URGCP: variants seen among roughly 807,000 people sequenced by gnomAD.
URGCP encodes upregulator of cell proliferation.
URGCP carries 13 observed loss-of-function variants against 24.6 expected under a neutral mutation model. That is an observed-to-expected ratio of 0.53 (90% confidence interval 0.34 to 0.84). The LOEUF is 0.84. Ranked by LOEUF, URGCP falls within the 40% of genes least tolerant of loss-of-function variation. The pLI is 0.01. For missense variants in URGCP, 899 were observed against 1,194.3 expected (o/e 0.75, Z 3.64); for synonymous variants, 444 against 487.2 (o/e 0.91, Z 1.17).
At chr7:43,900,618 A>G (rs1265354789) in intron 1 of URGCP, among the ~76,000 whole-genome samples, 1 of 152,086 alleles carries the variant, frequency 6.6e-6, no homozygotes, top group African/African-American at 2.4e-5. Flanking sequence ...ACAGGGTCTC[A>G]TTGTGTTGCC....
chr7:43,904,481 C>T (rs552467447), intron 1 of URGCP, among the ~76,000 whole-genome samples: 1 of 152,298 alleles, frequency 6.6e-6, no homozygotes, highest in South Asian at 2.1e-4. Context: ...TGGACTTGCT[C>T]CCTAAGATAC....
intron 3 of URGCP, among the ~76,000 whole-genome samples, chr7:43,887,019 C>A (rs1260162995): frequency 6.6e-6 from 1 of 152,084 alleles, no homozygotes; most frequent in East Asian, 1.9e-4. Flanking sequence ...ACATCCCTTT[C>A]ACTCTCAGAA....
intron 1 of URGCP, among the ~76,000 whole-genome samples, chr7:43,892,479 T>A (rs2132680540): frequency 6.6e-6 from 1 of 152,082 alleles, no homozygotes; most frequent in South Asian, 2.1e-4. Context: ...CACAGGAAAC[T>A]AATACAGTGT....
chr7:43,886,654 G>A (rs2095862619), intron 3 of URGCP, among the ~76,000 whole-genome samples: 1 of 152,204 alleles, frequency 6.6e-6, no homozygotes, highest in Non-Finnish European at 1.5e-5. Flanking sequence ...TTGGGAGGCT[G>A]AGGCAGCAGA....
At chr7:43,925,488 G>GT (rs993195665) in intron 1 of URGCP, among the ~76,000 whole-genome samples, 23 of 152,036 alleles carry the variant, frequency 1.5e-4, no homozygotes, top group South Asian at 2.1e-4. Context: ...ATTTTATTCT[G>GT]TTTTTTTATT....
At chr7:43,899,379 A>C in intron 1 of URGCP, among the ~76,000 whole-genome samples, 1 of 150,744 alleles carries the variant, frequency 6.6e-6, no homozygotes, top group Non-Finnish European at 1.5e-5. Context: ...TCAGCCCCCC[A>C]AAATGCCAGG....
intron 1 of URGCP, among the ~76,000 whole-genome samples, chr7:43,900,095 T>C (rs1198950115): frequency 1.3e-5 from 2 of 148,954 alleles, no homozygotes; most frequent in African/African-American, 5.0e-5. Context: ...CAGCGAGCCA[T>C]GTTGTTGCCA....
intron 1 of URGCP, chr7:43,920,034 TCTC>T: frequency 7.6e-7 from 1 of 1,318,264 alleles, no homozygotes. Flanking sequence ...CCAGACTACA[TCTC>T]CTGGGGCACC....
intron 1 of URGCP, chr7:43,905,951 A>G (rs2095901254): frequency 6.6e-6 from 1 of 152,186 alleles, no homozygotes; most frequent in Admixed American, 6.5e-5. Flanking sequence ...AAAAGAGGTA[A>G]TATCAAAATA....
intron 1 of URGCP, chr7:43,919,250 T>G (rs2095919244): frequency 1.2e-6 from 1 of 828,026 alleles, no homozygotes. Flanking sequence ...TGGTCCAGCT[T>G]TATAATTCAC....
rs2095920345 is a variant in URGCP, at chr7:43,920,007, ACCACATGG to A, written c.-116+6117_-116+6124del. Reference sequence around the variant, plus strand: ...ATTGTGCAGCAGCTCATGGATGAGTACCACATGGCCACATGGCCAGACTACATCTCCTG... The same window carrying A: ...ATTGTGCAGCAGCTCATGGATGAGTACCACATGGCCAGACTACATCTCCTG... On this transcript the variant is annotated intron_variant, in intron 1 of 5. Coordinates refer to the URGCP transcript ENST00000426198. 6.0e-6 allele frequency: 8 copies of A among 1,330,286 alleles called. No individual in the cohort carries two copies. The Admixed American group carries it at 1.0e-4, about 17-fold the overall frequency. 82.4% of individuals were successfully genotyped at this position (1,330,286 alleles called of 1,614,324 possible).
rs182369355 is a variant in URGCP, at chr7:43,893,055, G to T, written c.15-5239C>A. 1.4e-3 allele frequency among the ~76,000 whole-genome samples: 210 copies of T among 152,196 alleles called. 1 individual carries two copies. Among genetic ancestry groups the T allele is most frequent in the Admixed American group, 4.3e-3 (66 of 15,272 alleles). The stretch of plus-strand genomic sequence containing the variant: ...AAAATAAAATAAAGCTGGGTATGAT[G>T]GTTCACACCTATCTATAATCCCAGC... On this transcript the variant is annotated intron_variant, in intron 1 of 5. Coordinates refer to ENST00000453200, the MANE Select transcript of URGCP (RefSeq NM_001077663.3).
chr7:43,887,549 T>A (rs750933381), intron 2 of URGCP, 64 bp from the exon 3 acceptor site: 58 of 1,577,534 alleles, frequency 3.7e-5, no homozygotes, highest in Non-Finnish European at 5.0e-5. Flanking sequence ...CCTATCAAAC[T>A]GGCCGCATAT....
chr7:43,913,979 G>A (rs556611615), intron 1 of URGCP, among the ~76,000 whole-genome samples: 89 of 152,044 alleles, frequency 5.9e-4, no homozygotes, highest in African/African-American at 2.0e-3. Flanking sequence ...TATTATAGGT[G>A]TGAGCCACTG....
intron 1 of URGCP, among the ~76,000 whole-genome samples, chr7:43,905,042 G>T (rs999289443): frequency 6.6e-6 from 1 of 152,088 alleles, no homozygotes; most frequent in African/African-American, 2.4e-5. Context: ...ACTCATGGGG[G>T]TCACACAAAT....
rs766251496 is a variant in URGCP, at chr7:43,877,966, G to C, written c.1497C>G (p.Asp499Glu). Residue 499 changes from aspartate to glutamate, a missense_variant, in exon 6 of 6, where the codon GAC becomes GAG. Coordinates refer to ENST00000453200, the MANE Select transcript of URGCP (RefSeq NM_001077663.3). ...YRRDELRLQG[D>E]PWRKAAQVEK... ...CCACTTGGGCTGCCTTTCTCCAGGG[G>C]TCCCCCTGCAGCCTCAGCTCGTCCC... 7.2e-5 allele frequency: 117 copies of C among 1,614,096 alleles called. No homozygotes were observed. Among genetic ancestry groups the C allele is most frequent in the Non-Finnish European group, 9.9e-5 (117 of 1,180,056 alleles).
intron 1 of URGCP, among the ~76,000 whole-genome samples, chr7:43,913,656 C>G (rs923360897): frequency 6.6e-6 from 1 of 152,088 alleles, no homozygotes; most frequent in African/African-American, 2.4e-5. Flanking sequence ...TTCACACTTT[C>G]AAGATTCTCT....
At chr7:43,886,675 C>A (rs1031900030) in intron 3 of URGCP, among the ~76,000 whole-genome samples, 2 of 152,156 alleles carry the variant, frequency 1.3e-5, no homozygotes, top group African/African-American at 4.8e-5. Context: ...ATCACTTGAA[C>A]CCAGGAGGTG....
At chr7:43,885,663 T>C (rs180987372) in intron 3 of URGCP, among the ~76,000 whole-genome samples, 1 of 152,236 alleles carries the variant, frequency 6.6e-6, no homozygotes, top group East Asian at 1.9e-4. Flanking sequence ...TAAAAGTAAT[T>C]AAGACAACCT....
Sources: gnomAD v4.1 joint callset for allele counts (sites outside exome capture counted in the v4.1 genomes callset) on GRCh38, gnomAD v4.1.1 for gene constraint, MANE v1.5 for transcripts, NCBI Gene and HGNC (gene_info 2026-07-23, HGNC 2026-07-21) for gene names.